Variants in RAB3B observed in about 807,000 individuals in gnomAD.
The protein encoded by RAB3B is RAB3B, member RAS oncogene family.
In RAB3B, 11 loss-of-function variants were observed where a neutral mutation model predicts 20.5. The ratio of observed to expected loss-of-function variants is 0.54; its 90% confidence interval spans 0.34 to 0.89. The LOEUF (loss-of-function observed/expected upper bound fraction) is 0.89. Ranked by LOEUF, RAB3B falls within the 40% of genes least tolerant of loss-of-function variation. RAB3B has a pLI of 0.02. For synonymous variants in RAB3B, 99 were observed against 106.3 expected (o/e 0.93, Z 0.42); for missense variants, 225 against 280.9 (o/e 0.80, Z 1.42).
chr1:51,958,885 G>C (rs765195315), intron 2 of RAB3B, among the ~76,000 whole-genome samples: 1 of 152,248 alleles, frequency 6.6e-6, no homozygotes, highest in Non-Finnish European at 1.5e-5. Flanking sequence ...TGCAAGTGCA[G>C]AGAGAAGAGA....
rs1683975273 is a variant in RAB3B at position 51,910,030 on chromosome 1, T to C, written c.*9897A>G. ...TGTGAAGTAGATAGTATTACTTCAT[T>C]TACATATGAAGTAACTGAGGCTCAC... On this transcript the variant is annotated 3_prime_UTR_variant, in exon 5 of 5. Transcript: ENST00000371655. 3 of 152,146 alleles carry C rather than the reference T, an allele frequency of 2.0e-5. No individual in the cohort carries two copies. Among genetic ancestry groups the C allele is most frequent in the Admixed American group, 2.0e-4 (3 of 15,260 alleles). The allele number at this position is 152,146 out of a possible 1,614,324, so 9.4% of individuals were successfully genotyped here.
rs1683946100 is a variant in RAB3B at position 51,908,238 on chromosome 1, C to G, written c.*11689G>C. On this transcript the variant is annotated 3_prime_UTR_variant, in exon 5 of 5. Coordinates refer to ENST00000371655, the MANE Select transcript of RAB3B (RefSeq NM_002867.4). ...GAAGAAAAAAGCATGAGAACATCTGCTTAGTTAGAATCTGATGAGGAGAGA... is the reference window on the plus strand; with the variant it reads ...GAAGAAAAAAGCATGAGAACATCTGGTTAGTTAGAATCTGATGAGGAGAGA... 6.6e-6 allele frequency: 1 copy of G among 152,018 alleles called. No homozygotes were observed. The highest frequency in any genetic ancestry group is 1.5e-5 in the Non-Finnish European group (1 of 68,020). 9.4% of individuals were successfully genotyped at this position (152,018 alleles called of 1,614,324 possible). A position where few individuals can be genotyped will look rare whatever the true frequency, so the allele number is the denominator to read the frequency against.
At chr1:51,989,049 A>G (rs1322874992) in intron 1 of RAB3B, among the ~76,000 whole-genome samples, 1 of 143,258 alleles carries the variant, frequency 7.0e-6, no homozygotes, top group Non-Finnish European at 1.5e-5. Flanking sequence ...CACGGCTTCC[A>G]TTGTCTTCCT....
intron 3 of RAB3B, among the ~76,000 whole-genome samples, chr1:51,936,434 G>A (rs3765687): frequency 0.53 from 79,945 of 151,998 alleles, 22,234 homozygotes; most frequent in East Asian, 0.85. Flanking sequence ...AGTGCTATGT[G>A]GATTCACTCT....
rs1415361944 is a variant in RAB3B, at chr1:51,915,360, C to T, written c.*4567G>A. The T allele has an allele frequency of 6.6e-6, 1 of 152,102 alleles. No individual in the cohort carries two copies. The highest frequency in any genetic ancestry group is 2.4e-5 in the African/African-American group (1 of 41,414). 9.4% of individuals were successfully genotyped at this position (152,102 alleles called of 1,614,324 possible). A position where few individuals can be genotyped will look rare whatever the true frequency, so the allele number is the denominator to read the frequency against. On this transcript the variant is annotated 3_prime_UTR_variant, in exon 5 of 5. Transcript: ENST00000371655. ...ATCCAGGACCTAGTCCTGGCTCCAT[C>T]ACTGTGATACTCTCAGAATAATTAG...
At chr1:51,955,615 G>C (rs140885907) in intron 2 of RAB3B, among the ~76,000 whole-genome samples, 6,659 of 152,162 alleles carry the variant, frequency 0.044, 197 homozygotes, top group Non-Finnish European at 0.065. Flanking sequence ...GGCCAGGCTG[G>C]TCTCAAACTC....
chr1:51,923,791 T>C (rs180931653), intron 4 of RAB3B, among the ~76,000 whole-genome samples: 165 of 151,740 alleles, frequency 1.1e-3, no homozygotes, highest in Non-Finnish European at 1.9e-3. Flanking sequence ...TCCCAGTACT[T>C]TGGGGGTGCC....
At chr1:51,980,773 T>G in intron 1 of RAB3B, 1 of 753,590 alleles carries the variant, frequency 1.3e-6, no homozygotes, top group Admixed American at 1.7e-5. Flanking sequence ...CCCACCCTGA[T>G]TTAGACCTGT....
intron 2 of RAB3B, among the ~76,000 whole-genome samples, chr1:51,953,447 A>G (rs1684666587): frequency 6.6e-6 from 1 of 152,342 alleles, no homozygotes; most frequent in East Asian, 1.9e-4. Context: ...GAACAGAGTC[A>G]GGCCTTGTGC....
intron 4 of RAB3B, among the ~76,000 whole-genome samples, chr1:51,927,659 T>C (rs1180952192): frequency 6.6e-6 from 1 of 152,134 alleles, no homozygotes; most frequent in Admixed American, 6.5e-5. Context: ...TAGCTGGGCA[T>C]GGTGGTGCAT....
chr1:51,969,181 C>G (rs2124300703), intron 2 of RAB3B, among the ~76,000 whole-genome samples: 1 of 152,304 alleles, frequency 6.6e-6, no homozygotes, highest in East Asian at 1.9e-4. Flanking sequence ...CCTATAGTCC[C>G]AGCTACTGGT....
intron 4 of RAB3B, among the ~76,000 whole-genome samples, chr1:51,932,466 T>C (rs1175854824): frequency 6.6e-6 from 1 of 152,206 alleles, no homozygotes; most frequent in Non-Finnish European, 1.5e-5. Flanking sequence ...GAGTTCTGCT[T>C]TGGGGCCACT....
chr1:51,912,601 A>AC lies in RAB3B; in HGVS notation c.*7325_*7326insG, dbSNP rs1557958113. ...TATATATATATATATATATATATAT[A>AC]AAAAATGTTACTCCTGTGAGACAGA... On this transcript the variant is annotated 3_prime_UTR_variant, in exon 5 of 5. Transcript: ENST00000371655. The AC allele has an allele frequency of 4.8e-4, 13 of 26,886 alleles. No homozygotes were observed. The highest frequency in any genetic ancestry group is 1.7e-3 in the African/African-American group (13 of 7,730). The allele number at this position is 26,886 out of a possible 1,614,324, so 1.7% of individuals were successfully genotyped here. A position where few individuals can be genotyped will look rare whatever the true frequency, so the allele number is the denominator to read the frequency against.
chr1:51,987,656 T>C (rs1685169193), intron 1 of RAB3B, among the ~76,000 whole-genome samples: 1 of 152,152 alleles, frequency 6.6e-6, no homozygotes, highest in African/African-American at 2.4e-5. Flanking sequence ...TCCTCATTCA[T>C]AAAACAAGTG....
intron 4 of RAB3B, among the ~76,000 whole-genome samples, chr1:51,927,711 G>A (rs1684262871): frequency 6.6e-6 from 1 of 152,194 alleles, no homozygotes; most frequent in African/African-American, 2.4e-5. Flanking sequence ...ACTGAGGCAG[G>A]AAGATTGCTT....
intron 2 of RAB3B, among the ~76,000 whole-genome samples, chr1:51,950,682 G>A (rs1043562480): frequency 1.3e-5 from 2 of 152,124 alleles, no homozygotes; most frequent in Non-Finnish European, 1.5e-5. Context: ...TCCCTGGGTC[G>A]TGCCCTGTTG....
chr1:51,974,191 C>A (rs957888391), intron 2 of RAB3B, among the ~76,000 whole-genome samples: 5 of 152,356 alleles, frequency 3.3e-5, no homozygotes, highest in African/African-American at 1.2e-4. Context: ...TGTGCTCTCA[C>A]ATCCCCCTGT....
intron 2 of RAB3B, among the ~76,000 whole-genome samples, chr1:51,945,896 G>A (rs1374756407): frequency 6.6e-6 from 1 of 152,318 alleles, no homozygotes; most frequent in Admixed American, 6.5e-5. Flanking sequence ...TGTGATTTTG[G>A]ACTAGTTGGT....
chr1:51,944,992 T>C (rs1283730887), intron 2 of RAB3B, among the ~76,000 whole-genome samples: 1 of 152,140 alleles, frequency 6.6e-6, no homozygotes, highest in African/African-American at 2.4e-5. Flanking sequence ...GAAGAATCAA[T>C]CGATGCAGCA....
Sources: allele counts gnomAD v4.1 joint callset (sites outside exome capture counted in the v4.1 genomes callset), GRCh38; gene constraint gnomAD v4.1.1; transcripts MANE v1.5; gene names NCBI Gene and HGNC (gene_info 2026-07-23, HGNC 2026-07-21).